The following PARP4 variants were observed in gnomAD, a reference collection of about 807,000 sequenced individuals.
PARP4 encodes the protein protein mono-ADP-ribosyltransferase PARP4.
Under a neutral mutation model 187.7 loss-of-function variants are expected in PARP4, and 120 were observed. The ratio of observed to expected loss-of-function variants is 0.64; its 90% CI spans 0.55 to 0.74. The LOEUF (loss-of-function observed/expected upper bound fraction) is 0.74, where lower values mean the gene tolerates loss of function less well. Among genes scored for constraint, PARP4 ranks in the 30% least tolerant of loss-of-function variants. PARP4 has a pLI of 0.00. For synonymous variants in PARP4, 654 were observed against 740.9 expected (o/e 0.88, Z 1.90); for missense variants, 1,836 against 2,070.5 (o/e 0.89, Z 2.20).
rs763514376 is a variant in PARP4 at position 24,435,287 on chromosome 13, A to G, written c.3854T>C (p.Leu1285Ser). ...NLERGGVEKL[L>S]DLSWTESCKP... Reference sequence around the variant, plus strand: ...ACATGACTCTGTCCAACTTAAATCCAATAGCTTTTCCACACCTCCACGTTC... The same window carrying G: ...ACATGACTCTGTCCAACTTAAATCCGATAGCTTTTCCACACCTCCACGTTC... Residue 1285 changes from leucine to serine, a missense_variant, in exon 31 of 34, where the codon TTG (leucine) becomes TCG (serine). By Grantham distance (145) the Leu-to-Ser change is moderately radical. This residue lies in a region of PARP4 where 450 missense variants were observed against 439.2 expected (regional missense o/e 1.02). Transcript: ENST00000381989. The G allele has an allele frequency of 1.2e-6, 2 of 1,613,028 alleles. No homozygotes were observed. The highest frequency in any genetic ancestry group is 1.3e-5 in the African/African-American group (1 of 74,892).
chr13:24,478,574 T>A (rs988464851), intron 12 of PARP4, among the ~76,000 whole-genome samples: 2 of 152,128 alleles, frequency 1.3e-5, no homozygotes, highest in African/African-American at 4.8e-5. Flanking sequence ...TAGCTGGGAC[T>A]ATAGATGTGC....
At chr13:24,449,000 C>T (rs925895953) in intron 25 of PARP4, among the ~76,000 whole-genome samples, 4 of 152,178 alleles carry the variant, frequency 2.6e-5, no homozygotes, top group Non-Finnish European at 4.4e-5. Context: ...TTAATGAGTA[C>T]GTAGTTTCTG....
chr13:24,484,796 T>G (rs748547601), intron 11 of PARP4, 48 bp from the exon 12 acceptor site: 1 of 1,251,974 alleles, frequency 8.0e-7, no homozygotes, highest in South Asian at 1.2e-5. Context: ...ACTGACTGCA[T>G]CTCTTCCTTG....
intron 12 of PARP4, among the ~76,000 whole-genome samples, chr13:24,480,256 G>A (rs1475065114): frequency 1.3e-5 from 2 of 149,038 alleles, no homozygotes; most frequent in Admixed American, 1.3e-4. Flanking sequence ...CAAATGTTTT[G>A]TGTGTTCTGA....
intron 1 of PARP4, among the ~76,000 whole-genome samples, chr13:24,504,726 CT>C (rs1355225402): frequency 6.6e-6 from 1 of 151,586 alleles, no homozygotes; most frequent in African/African-American, 2.4e-5. Flanking sequence ...GACAATCTTG[CT>C]CTGTCACCCA....
rs1869294872 is a variant in PARP4, at chr13:24,501,712, TC to T, written c.254del (p.Arg85AsnfsTer5). ...GATCATAATTCTTTACATCCAAGAG[TC>T]TCTTTTCCCTGATAGATTTCCATAT... ...DFIWKSIREK[R>X]LLDVKNYDPY... On this transcript the variant is annotated frameshift_variant, in exon 3 of 34. Transcript: ENST00000381989. LOFTEE classifies it high-confidence loss of function. 3.1e-6 allele frequency: 5 copies of T among 1,612,490 alleles called. No homozygotes were observed. The highest frequency in any genetic ancestry group is 4.2e-6 in the Non-Finnish European group (5 of 1,178,788).
At chr13:24,445,223 A>G (rs1593598927) in intron 27 of PARP4, among the ~76,000 whole-genome samples, 1 of 152,260 alleles carries the variant, frequency 6.6e-6, no homozygotes, top group African/African-American at 2.4e-5. Flanking sequence ...TAGACCAAAC[A>G]TGGAAACTTC....
rs370666387 is a variant in PARP4 at position 24,482,991 on chromosome 13, T to C, written c.1448+1662A>G. On this transcript the variant is annotated intron_variant, in intron 12 of 33. Coordinates refer to ENST00000381989, the MANE Select transcript of PARP4 (RefSeq NM_006437.4). The stretch of plus-strand genomic sequence containing the variant: ...TGGACATCTGCATGATTTCCAGTGT[T>C]CTGTTACTACAGTGCTCTTTTTTTC... Among the ~76,000 whole-genome samples the C allele has an allele frequency of 3.9e-5, 6 of 152,302 alleles. No individual in the cohort carries two copies. In the East Asian group the frequency reaches 1.2e-3, roughly 29 times the overall value.
At chr13:24,499,475 T>G (rs1869152897) in intron 4 of PARP4, 99 bp from the exon 5 acceptor site, 1 of 914,096 alleles carries the variant, frequency 1.1e-6, no homozygotes, top group East Asian at 2.9e-5. Flanking sequence ...ACAAAATACA[T>G]GATAGATTCC....
At chr13:24,427,663 T>C (rs1425502269) in intron 32 of PARP4, among the ~76,000 whole-genome samples, 1 of 152,180 alleles carries the variant, frequency 6.6e-6, no homozygotes, top group Non-Finnish European at 1.5e-5. Flanking sequence ...ATATACACCA[T>C]TAATTTTACA....
intron 15 of PARP4, among the ~76,000 whole-genome samples, chr13:24,474,235 C>G (rs1055894594): frequency 6.6e-6 from 1 of 152,126 alleles, no homozygotes; most frequent in African/African-American, 2.4e-5. Context: ...TGCTCTCAGG[C>G]CTTGGCGGAC....
Position 24,501,632 on chromosome 13 carries a change from C to A in PARP4, c.334+1G>T, listed in dbSNP as rs757726062. ...TTAAATGCTTGCTATGAAATACCTA[C>A]CAGAACTGCTCGCCTTCTGATCAGG... On this transcript the variant is annotated splice_donor_variant, in intron 3 of 33. Transcript: ENST00000381989. LOFTEE classifies it high-confidence loss of function. The A allele has an allele frequency of 2.5e-6, 4 of 1,605,548 alleles. No homozygotes were observed. The highest frequency in any genetic ancestry group is 1.1e-5 in the South Asian group (1 of 90,880).
chr13:24,433,839 A>G (rs1870467920), intron 31 of PARP4, among the ~76,000 whole-genome samples: 1 of 152,290 alleles, frequency 6.6e-6, no homozygotes, highest in South Asian at 2.1e-4. Flanking sequence ...ACACCAAAAC[A>G]AGTAATCACA....
In PARP4 at chr13:24,437,849, C is replaced by CAAAAAAAAAAAAAAAAAAAA. The variant is rs1216300092; in HGVS notation, c.3667-2376_3667-2375insTTTTTTTTTTTTTTTTTTTT. 2.0e-4 allele frequency among the ~76,000 whole-genome samples: 24 copies of CAAAAAAAAAAAAAAAAAAAA among 118,314 alleles called. 1 individual carries two copies. The highest frequency in any genetic ancestry group is 2.5e-4 in the East Asian group (1 of 4,014). 77.6% of individuals were successfully genotyped at this position (118,314 alleles called of 152,430 possible). A position where few individuals can be genotyped will look rare whatever the true frequency, so the allele number is the denominator to read the frequency against. On this transcript the variant is annotated intron_variant, in intron 30 of 33. Transcript: ENST00000381989. ...TGGGTGACAGAGTGAGACTCCATCT[C>CAAAAAAAAAAAAAAAAAAAA]AAAAAAAAAAAAGAATCATACTGAG...
rs1422101839 is a variant in PARP4 at position 24,470,025 on chromosome 13, C to A, written c.1915G>T (p.Val639Phe). The A allele has an allele frequency of 1.2e-6, 2 of 1,610,460 alleles. No homozygotes were observed. Among genetic ancestry groups the A allele is most frequent in the Non-Finnish European group, 1.7e-6 (2 of 1,178,428 alleles). Residue 639 changes from valine to phenylalanine, a missense_variant and splice_region_variant, in exon 16 of 34, where the codon GTC becomes TTC. Physicochemically the swap from Val to Phe is conservative, Grantham distance 50. Coordinates refer to ENST00000381989, the MANE Select transcript of PARP4 (RefSeq NM_006437.4). ...KGRIIDTVAQ[V>F]IVFQTYTNKS... is the part of the protein sequence containing the mutation. The stretch of plus-strand genomic sequence containing the variant: ...TTTGTGTATGTCTGAAAAACAATGA[C>A]CTGAAGAAGAAAAAAAATCCATACA...
chr13:24,438,855 C>T (rs535105723), intron 30 of PARP4, among the ~76,000 whole-genome samples: 2 of 152,258 alleles, frequency 1.3e-5, no homozygotes, highest in South Asian at 2.1e-4. Context: ...TTGCGGCTGG[C>T]GTGTTACTGA....
Position 24,435,040 on chromosome 13 carries a change from G to A in PARP4, c.4101C>T (p.Gly1367=), listed in dbSNP as rs1870548265. Residue 1367 remains glycine, a synonymous_variant, in exon 31 of 34, where the codon GGC becomes GGT. Transcript: ENST00000381989. ...RQFDASQFSQ[G]PVPGTCADWI... is the part of the protein sequence containing the mutation. The stretch of plus-strand genomic sequence containing the variant: ...AGTCAGCACAAGTGCCAGGCACAGG[G>A]CCTTGGCTGAATTGAGATGCATCAA... 1.2e-6 allele frequency: 2 copies of A among 1,613,918 alleles called. No homozygotes were observed. The highest frequency in any genetic ancestry group is 2.7e-5 in the African/African-American group (2 of 74,930).
intron 25 of PARP4, among the ~76,000 whole-genome samples, chr13:24,448,132 AC>A (rs1871305668): frequency 6.6e-6 from 1 of 152,098 alleles, no homozygotes; most frequent in South Asian, 2.1e-4. Context: ...ATGGCTTGAG[AC>A]CAGGATGTCA....
intron 6 of PARP4, among the ~76,000 whole-genome samples, chr13:24,497,437 A>G (rs2137538331): frequency 6.6e-6 from 1 of 152,284 alleles, no homozygotes; most frequent in Middle Eastern, 3.4e-3. Flanking sequence ...ATATCAGTGG[A>G]ATGCTTTCAG....
Sources: allele counts gnomAD v4.1 joint callset (sites outside exome capture counted in the v4.1 genomes callset), GRCh38; gene constraint gnomAD v4.1.1; regional missense constraint gnomAD v4.1.1; transcripts MANE v1.5; gene names NCBI Gene and HGNC (gene_info 2026-07-23, HGNC 2026-07-21).